The following OSBPL8 variants were observed in gnomAD, a reference collection of about 807,000 sequenced individuals.
The protein encoded by OSBPL8 is oxysterol-binding protein-related protein 8.
A neutral mutation model predicts 125.5 loss-of-function variants in OSBPL8; 59 were observed. The ratio of observed to expected loss-of-function variants is 0.47; its 90% confidence interval spans 0.38 to 0.58. The LOEUF (loss-of-function observed/expected upper bound fraction) is 0.58. OSBPL8 is among the 20% of genes least tolerant of loss of function. The probability of loss-of-function intolerance (pLI) is 0.00; values close to 1 mark genes in which losing one functional copy is unlikely to be tolerated. For missense variants in OSBPL8, 758 were observed against 1,047.8 expected (o/e 0.72, Z 3.82); for synonymous variants, 330 against 338.9 (o/e 0.97, Z 0.29).
chr12:76,370,543 A>G (rs1337791437), intron 19 of OSBPL8, among the ~76,000 whole-genome samples: 2 of 152,320 alleles, frequency 1.3e-5, no homozygotes, highest in East Asian at 3.9e-4. Context: ...TAGCTGGTGC[A>G]CTTAAAGTTA....
chr12:76,359,118 C>T (rs1211588803), intron 21 of OSBPL8, among the ~76,000 whole-genome samples: 3 of 152,174 alleles, frequency 2.0e-5, no homozygotes, highest in African/African-American at 7.2e-5. Flanking sequence ...ATTATGTATA[C>T]ATAAACAAAT....
At chr12:76,386,311 G>T (rs1036944587) in intron 13 of OSBPL8, 45 bp from the exon 14 acceptor site, 1 of 1,559,506 alleles carries the variant, frequency 6.4e-7, no homozygotes, top group Admixed American at 2.0e-5. Flanking sequence ...AAATACAAAG[G>T]ATTCAAAATA....
In OSBPL8 at chr12:76,394,712, C is replaced by A. The variant is rs201950442; in HGVS notation, c.690G>T (p.Ala230=). The A allele has an allele frequency of 1.2e-6, 2 of 1,611,514 alleles. No homozygotes were observed. Among genetic ancestry groups the A allele is most frequent in the Non-Finnish European group, 1.7e-6 (2 of 1,178,972 alleles). The change falls in exon 9 of 24, where the codon GCG becomes GCT. Residue 230 remains alanine, a synonymous_variant. Coordinates refer to ENST00000261183, the MANE Select transcript of OSBPL8 (RefSeq NM_020841.5). ...GTAAGGGTTGAGTAATGGATCCAAC[C>A]GCTTCACCTTTTGGACCCTTAATAA... ...IWAVKGPKGE[A]VGSITQPLPS...
chr12:76,494,541 T>G (rs190064375), intron 1 of OSBPL8, among the ~76,000 whole-genome samples: 4 of 152,274 alleles, frequency 2.6e-5, no homozygotes, highest in African/African-American at 9.6e-5. Context: ...ATAAAAATAC[T>G]GAGAAGAAGC....
At chr12:76,531,042 G>C (rs573674388) in intron 1 of OSBPL8, among the ~76,000 whole-genome samples, 7 of 152,140 alleles carry the variant, frequency 4.6e-5, no homozygotes, top group Admixed American at 3.9e-4. Context: ...CCCGAGACTG[G>C]GTGATTTATA....
At chr12:76,380,603 G>A (rs1223083023) in intron 15 of OSBPL8, among the ~76,000 whole-genome samples, 1 of 139,202 alleles carries the variant, frequency 7.2e-6, no homozygotes, top group Admixed American at 7.4e-5. Flanking sequence ...TTTCTTTTTT[G>A]ACCATGCATC....
intron 7 of OSBPL8, 27 bp downstream of exon 7, chr12:76,399,846 T>C (rs777903426): frequency 1.3e-6 from 2 of 1,545,306 alleles, no homozygotes; most frequent in Non-Finnish European, 1.7e-6. Context: ...TCCAGCAATC[T>C]GAATTCATGA....
chr12:76,475,558 T>A, intron 2 of OSBPL8, among the ~76,000 whole-genome samples: 1 of 152,210 alleles, frequency 6.6e-6, no homozygotes, highest in Non-Finnish European at 1.5e-5. Flanking sequence ...TGTGCAACAG[T>A]TCTGTTCTTT....
intron 1 of OSBPL8, among the ~76,000 whole-genome samples, chr12:76,549,684 G>A (rs973012529): frequency 6.6e-6 from 1 of 152,074 alleles, no homozygotes; most frequent in African/African-American, 2.4e-5. Context: ...TACAGGCGTT[G>A]ATGTATGACT....
Position 76,369,259 on chromosome 12 carries a change from T to C in OSBPL8, c.2283A>G (p.Glu761=). 1 of 1,612,938 alleles carries C rather than the reference T, an allele frequency of 6.2e-7. No individual in the cohort carries two copies. The highest frequency in any genetic ancestry group is 1.3e-5 in the African/African-American group (1 of 74,944). Residue 761 remains glutamate, a synonymous_variant, in exon 21 of 24, where the codon GAA becomes GAG. Coordinates refer to ENST00000261183, the MANE Select transcript of OSBPL8 (RefSeq NM_020841.5). ...WDPLNDMIQF[E]KDGVIQTKVK... is the part of the protein sequence containing the mutation. The stretch of plus-strand genomic sequence containing the variant: ...CTTTGGTCTGAATAACACCATCTTT[T>C]TCAAACTGTATCATATCATTAAGTG...
intron 5 of OSBPL8, 144 bp from the exon 6 acceptor site, chr12:76,402,910 T>C (rs1954111086): frequency 1.6e-6 from 1 of 632,906 alleles, no homozygotes. Context: ...ATTTTCCCTA[T>C]ATGTCTTTAA....
At chr12:76,461,382 A>G (rs1429207130) in intron 2 of OSBPL8, among the ~76,000 whole-genome samples, 2 of 152,164 alleles carry the variant, frequency 1.3e-5, no homozygotes, top group East Asian at 3.9e-4. Context: ...CTACGGTGTT[A>G]GTGAGGTCGG....
intron 1 of OSBPL8, among the ~76,000 whole-genome samples, chr12:76,541,747 C>T (rs1448984636): frequency 2.0e-5 from 3 of 151,044 alleles, no homozygotes; most frequent in Admixed American, 1.3e-4. Context: ...CCCAGCTATT[C>T]GAGAGGCTGA....
At chr12:76,532,597 C>T (rs1019145417) in intron 1 of OSBPL8, among the ~76,000 whole-genome samples, 14 of 152,000 alleles carry the variant, frequency 9.2e-5, no homozygotes, top group African/African-American at 2.9e-4. Context: ...TTTAACCTGT[C>T]CGGACCCATT....
intron 1 of OSBPL8, among the ~76,000 whole-genome samples, chr12:76,540,344 G>T (rs1950605257): frequency 6.6e-6 from 1 of 152,096 alleles, no homozygotes. Flanking sequence ...TAAGTCTAAG[G>T]TTGTAAGAAT....
chr12:76,373,358 A>G lies in OSBPL8; in HGVS notation c.1903T>C (p.Leu635=), dbSNP rs1160041669. The part of the protein sequence containing the change: ...LKLGKEVLAT[L]EGHWDSEVFI... Reference sequence around the variant, plus strand: ...AAAATACTTACCCAATGACCTTCCAAAGTAGCTAGGACTTCTTTTCCCAGT... The same window carrying G: ...AAAATACTTACCCAATGACCTTCCAGAGTAGCTAGGACTTCTTTTCCCAGT... The change falls in exon 18 of 24, where the codon TTG becomes CTG. Residue 635 remains leucine (L), a synonymous_variant. Transcript: ENST00000261183. 6.2e-7 allele frequency: 1 copy of G among 1,603,090 alleles called. No homozygotes were observed. Among genetic ancestry groups the G allele is most frequent in the South Asian group, 1.1e-5 (1 of 90,034 alleles).
chr12:76,413,812 A>G (rs73383557), intron 4 of OSBPL8, among the ~76,000 whole-genome samples: 24,336 of 151,938 alleles, frequency 0.16, 2,262 homozygotes, highest in Middle Eastern at 0.24. Context: ...CTTATTATAT[A>G]AGAATTCTTG....
Position 76,430,325 on chromosome 12 carries a change from C to T in OSBPL8, c.218-19691G>A, listed in dbSNP as rs533016539. Among the ~76,000 whole-genome samples the T allele has an allele frequency of 2.0e-3, 299 of 152,150 alleles. 1 individual carries two copies. Among genetic ancestry groups the T allele is most frequent in the African/African-American group, 6.8e-3 (284 of 41,498 alleles). ...GTAACAGGCTCACCAATAGCAGATCCGACAGAACCAGCTCCACTCCCACTC... is the reference window on the plus strand; with the variant it reads ...GTAACAGGCTCACCAATAGCAGATCTGACAGAACCAGCTCCACTCCCACTC... On this transcript the variant is annotated intron_variant, in intron 4 of 23. Transcript: ENST00000261183.
intron 2 of OSBPL8, among the ~76,000 whole-genome samples, chr12:76,474,586 A>T (rs149561280): frequency 0.021 from 3,210 of 152,124 alleles, 174 homozygotes; most frequent in East Asian, 0.18. Context: ...GGCTCTAGTG[A>T]TCCTCCCACC....
Sources: allele counts gnomAD v4.1 joint callset (sites outside exome capture counted in the v4.1 genomes callset), GRCh38; gene constraint gnomAD v4.1.1; transcripts MANE v1.5; gene names NCBI Gene and HGNC (gene_info 2026-07-23, HGNC 2026-07-21).